Variants in NFAM1 observed in about 807,000 individuals in gnomAD.
The protein encoded by NFAM1 is NFAT activating protein with ITAM motif 1, also known as NFAT activation molecule 1.
In NFAM1, 17 loss-of-function variants were observed where a neutral mutation model predicts 29.0. The ratio of observed to expected loss-of-function variants is 0.59; its 90% CI spans 0.40 to 0.88. NFAM1 has a LOEUF of 0.88. NFAM1 is among the 40% of genes least tolerant of loss of function. The pLI is 0.00. For missense variants in NFAM1, 324 were observed against 344.6 expected (o/e 0.94, Z 0.47); for synonymous variants, 175 against 147.2 (o/e 1.19, Z -1.36).
At chr22:42,414,785 G>A (rs1196943227) in intron 1 of NFAM1, among the ~76,000 whole-genome samples, 1 of 151,964 alleles carries the variant, frequency 6.6e-6, no homozygotes, top group Non-Finnish European at 1.5e-5. Context: ...TCCAGGGGGA[G>A]GGCAGATACA....
intron 1 of NFAM1, among the ~76,000 whole-genome samples, chr22:42,424,216 C>T (rs530827156): frequency 1.8e-4 from 28 of 152,254 alleles, no homozygotes; most frequent in African/African-American, 6.0e-4. Context: ...GAGATTGAGA[C>T]CATCCTGGCT....
At position 42,409,793 on chromosome 22, in the gene NFAM1, G is replaced by A. The variant is rs547365849; in HGVS notation, c.452-246C>T. Among the ~76,000 whole-genome samples, 168 of 152,282 alleles carry A rather than the reference G, an allele frequency of 1.1e-3. 2 individuals carry two copies. Among genetic ancestry groups the A allele is most frequent in the Admixed American group, 3.1e-3 (47 of 15,308 alleles). ...TTGCTCTTCCGGTGCCCCTGCCCCC[G>A]TGACCTGGCTCCCCTGTGGGCTGCT... is the stretch of plus-strand genomic sequence containing the variant. On this transcript the variant is annotated intron_variant, in intron 2 of 5. Coordinates refer to ENST00000329021, the MANE Select transcript of NFAM1 (RefSeq NM_145912.8). This position sits in a 1 kb window ranked among gnomAD's most constrained non-coding sequence, Gnocchi z 4.9.
At chr22:42,386,396 A>AACACAC (rs59742194) in intron 5 of NFAM1, among the ~76,000 whole-genome samples, 95 of 125,280 alleles carry the variant, frequency 7.6e-4, no homozygotes, top group African/African-American at 2.2e-3. Context: ...AAAACAAACA[A>AACACAC]ACACACACAC....
chr22:42,429,391 G>A (rs1930724114), intron 1 of NFAM1, among the ~76,000 whole-genome samples: 1 of 152,104 alleles, frequency 6.6e-6, no homozygotes. Context: ...CAAGGTGGGG[G>A]GATCACCTGA....
At chr22:42,411,334 G>A (rs1930080462) in intron 2 of NFAM1, 73 bp downstream of exon 2, 9 of 1,225,196 alleles carry the variant, frequency 7.3e-6, no homozygotes, top group Admixed American at 2.1e-5. Flanking sequence ...CTCTATTTCC[G>A]ATCCAAAGTC....
At chr22:42,387,109 C>T (rs369831067) in intron 4 of NFAM1, 31 bp from the exon 5 acceptor site, 238 of 1,369,934 alleles carry the variant, frequency 1.7e-4, no homozygotes, top group Non-Finnish European at 2.3e-4. Context: ...GGATCAGGGG[C>T]AAGTGTGTAG....
Position 42,421,592 on chromosome 22 carries a change from A to G in NFAM1, c.122-9856T>C, listed in dbSNP as rs1930448543. On this transcript the variant is annotated intron_variant, in intron 1 of 5. Coordinates refer to ENST00000329021, the MANE Select transcript of NFAM1 (RefSeq NM_145912.8). ...CTGAGGCTCCTCCCACCACCAAGTCATGGGCCAGGGCTTTGGTCCCGGCTC... is the reference window on the plus strand; with the variant it reads ...CTGAGGCTCCTCCCACCACCAAGTCGTGGGCCAGGGCTTTGGTCCCGGCTC... Among the ~76,000 whole-genome samples the G allele has an allele frequency of 2.0e-5, 3 of 152,046 alleles. No individual in the cohort carries two copies. The South Asian group carries it at 6.2e-4, about 32-fold the overall frequency.
chr22:42,417,522 T>TA (rs1930300031), intron 1 of NFAM1, among the ~76,000 whole-genome samples: 1 of 152,058 alleles, frequency 6.6e-6, no homozygotes, highest in African/African-American at 2.4e-5. Context: ...CCCTTCCACT[T>TA]AGAGAGTTTA....
At chr22:42,399,496 G>A (rs1741188701) in intron 3 of NFAM1, among the ~76,000 whole-genome samples, 1 of 151,600 alleles carries the variant, frequency 6.6e-6, no homozygotes, top group African/African-American at 2.4e-5. Context: ...GAGAGAGAAG[G>A]TCAGTGTGTG....
At chr22:42,390,526 G>A (rs1166440094) in intron 4 of NFAM1, among the ~76,000 whole-genome samples, 1 of 152,104 alleles carries the variant, frequency 6.6e-6, no homozygotes, top group Admixed American at 6.6e-5. Context: ...CTGAAAGAAT[G>A]AGGGAGCGGG....
chr22:42,420,534 G>T (rs1930412121), intron 1 of NFAM1, among the ~76,000 whole-genome samples: 1 of 151,754 alleles, frequency 6.6e-6, no homozygotes, highest in Non-Finnish European at 1.5e-5. Context: ...GGGAGGCCAA[G>T]GCAGGTGGAT....
Position 42,411,463 on chromosome 22 carries a change from G to C in NFAM1, c.395C>G (p.Ser132Cys), listed in dbSNP as rs766727716. The C allele has an allele frequency of 9.3e-6, 15 of 1,614,084 alleles. No individual in the cohort carries two copies. Among genetic ancestry groups the C allele is most frequent in the African/African-American group, 1.3e-5 (1 of 74,944 alleles). Residue 132 changes from serine (S) to cysteine (C), a missense_variant, in exon 2 of 6, where the codon TCT becomes TGT. By Grantham distance (112) the Ser-to-Cys change is moderately radical (BLOSUM62 -1). Transcript: ENST00000329021. ...GASATGTYYC[S>C]VHWPHSTVRG... The stretch of plus-strand genomic sequence containing the variant: ...CACCGTGGAGTGTGGCCAGTGGACA[G>C]AGCAGTAGTAGGTGCCAGTGGCCGA...
Position 42,424,396 on chromosome 22 carries a change from T to C in NFAM1, c.121+7841A>G, listed in dbSNP as rs545546579. 8.0e-5 allele frequency among the ~76,000 whole-genome samples: 12 copies of C among 149,882 alleles called. No individual in the cohort carries two copies. The East Asian group carries it at 1.6e-3, about 20-fold the overall frequency. ...TGCCACTGCACTCCAGCCTAGGGGA[T>C]AGAGCGAGACTCCGTCTCAAAAAAG... is the stretch of plus-strand genomic sequence containing the variant. On this transcript the variant is annotated intron_variant, in intron 1 of 5. Transcript: ENST00000329021.
chr22:42,386,983 G>T lies in NFAM1; in HGVS notation c.753+6C>A. 1 of 1,504,776 alleles carries T rather than the reference G, an allele frequency of 6.6e-7. No individual in the cohort carries two copies. The highest frequency in any genetic ancestry group is 9.0e-7 in the Non-Finnish European group (1 of 1,107,406). The allele number at this position is 1,504,776 out of a possible 1,614,324, so 93.2% of individuals were successfully genotyped here. ...AGCCAGGCTTGGTGCCCCAGCGCCTGTGTACCTGGGAGAGGGGGCTCTGCT... is the reference window on the plus strand; with the variant it reads ...AGCCAGGCTTGGTGCCCCAGCGCCTTTGTACCTGGGAGAGGGGGCTCTGCT... On this transcript the variant is annotated splice_donor_region_variant and intron_variant, in intron 5 of 5. Coordinates refer to ENST00000329021, the MANE Select transcript of NFAM1 (RefSeq NM_145912.8).
chr22:42,406,314 T>C (rs991620182), intron 3 of NFAM1, among the ~76,000 whole-genome samples: 3 of 152,224 alleles, frequency 2.0e-5, no homozygotes, highest in African/African-American at 7.2e-5. Context: ...GCCTGGACTT[T>C]GCAGTAGCTC....
intron 3 of NFAM1, among the ~76,000 whole-genome samples, chr22:42,404,444 A>ACCAGGGGCTC (rs942626463): frequency 6.6e-6 from 1 of 152,040 alleles, no homozygotes; most frequent in Non-Finnish European, 1.5e-5. Context: ...TCCACAGCGA[A>ACCAGGGGCTC]CCAGGGGCTC....
In NFAM1 at chr22:42,411,392, C is replaced by T. The variant is rs750753742; in HGVS notation, c.451+15G>A. ...TGTGTCCTTTGCCCTGGAAGAGCCA[C>T]AGAGGAAGCCTTACCTCTGACCAGG... is the stretch of plus-strand genomic sequence containing the variant. On this transcript the variant is annotated intron_variant, in intron 2 of 5. Coordinates refer to ENST00000329021, the MANE Select transcript of NFAM1 (RefSeq NM_145912.8). The T allele has an allele frequency of 1.9e-6, 3 of 1,599,022 alleles. No individual in the cohort carries two copies. The South Asian group carries it at 3.3e-5, about 18-fold the overall frequency.
chr22:42,416,879 C>T (rs1930276920), intron 1 of NFAM1, among the ~76,000 whole-genome samples: 1 of 152,198 alleles, frequency 6.6e-6, no homozygotes, highest in Non-Finnish European at 1.5e-5. Flanking sequence ...TAGACTGGCT[C>T]ATGCAGCTGC....
rs187919418 is a variant in NFAM1 at position 42,421,982 on chromosome 22, G to A, written c.122-10246C>T. Among the ~76,000 whole-genome samples the A allele has an allele frequency of 1.6e-3, 245 of 152,338 alleles. 1 individual carries two copies. The highest frequency in any genetic ancestry group is 2.3e-3 in the Non-Finnish European group (157 of 68,030). On this transcript the variant is annotated intron_variant, in intron 1 of 5. Coordinates refer to ENST00000329021, the MANE Select transcript of NFAM1 (RefSeq NM_145912.8). Reference sequence around the variant, plus strand: ...AAATGCAAAAGCGTGTGGCCAAGTGGCTGGTGAGGGAGGGGCATTTTGCAG... The same window carrying A: ...AAATGCAAAAGCGTGTGGCCAAGTGACTGGTGAGGGAGGGGCATTTTGCAG...
Sources: gnomAD v4.1 joint callset for allele counts (sites outside exome capture counted in the v4.1 genomes callset) on GRCh38, gnomAD v4.1.1 for gene constraint, Gnocchi (gnomAD v3.1) non-coding constraint, MANE v1.5 for transcripts, NCBI Gene and HGNC (gene_info 2026-07-23, HGNC 2026-07-21) for gene names.